FANCM: variants seen among roughly 807,000 people sequenced by gnomAD.
The protein encoded by FANCM is FA complementation group M, also known as Fanconi anemia group M protein.
Under a neutral mutation model 199.5 loss-of-function variants are expected in FANCM, and 140 were observed. That is an observed-to-expected ratio of 0.70 (90% CI 0.61 to 0.81). The LOEUF (loss-of-function observed/expected upper bound fraction) is 0.81. Among genes scored for constraint, FANCM ranks in the 30% least tolerant of loss-of-function variants. The pLI is 0.00. For synonymous variants in FANCM, 840 were observed against 836.8 expected (o/e 1.00, Z -0.07); for missense variants, 2,410 against 2,421.4 (o/e 1.00, Z 0.10).
chr14:45,159,835 A>G (rs879695850), intron 9 of FANCM, among the ~76,000 whole-genome samples: 5 of 152,092 alleles, frequency 3.3e-5, no homozygotes, highest in Non-Finnish European at 7.4e-5. Context: ...TTTTGAGGGA[A>G]ATTTTACATT....
At chr14:45,143,326 C>T in intron 3 of FANCM, among the ~76,000 whole-genome samples, 1 of 152,058 alleles carries the variant, frequency 6.6e-6, no homozygotes, top group Non-Finnish European at 1.5e-5. Flanking sequence ...GCCACCACAC[C>T]CAGCAAATTT....
intron 9 of FANCM, among the ~76,000 whole-genome samples, chr14:45,162,694 G>GT (rs761625262): frequency 7.0e-4 from 106 of 152,226 alleles, no homozygotes; most frequent in Non-Finnish European, 1.2e-3. Flanking sequence ...TTGAATATAT[G>GT]TCTTGAGTTT....
chr14:45,185,269 C>A lies in FANCM; in HGVS notation c.4568C>A (p.Ala1523Glu), dbSNP rs960743288. Residue 1523 changes from alanine to glutamate, a missense_variant, in exon 18 of 23, where the codon GCA becomes GAA. Ala to Glu is a moderately radical substitution (Grantham distance 107, BLOSUM62 -1). Coordinates refer to ENST00000267430, the MANE Select transcript of FANCM (RefSeq NM_020937.4). ...DDEAELSEED[A>E]EYVSSDENDE... is the part of the protein sequence containing the mutation. ...GAAGCAGAACTTTCTGAAGAAGATG[C>A]AGAATATGTTTCATCAGATGAAAAT... is the stretch of plus-strand genomic sequence containing the variant. 3.7e-6 allele frequency: 6 copies of A among 1,602,474 alleles called. 1 individual carries two copies. The African/African-American group carries it at 6.7e-5, about 18-fold the overall frequency.
At chr14:45,198,354 A>G (rs1157501096) in intron 21 of FANCM, 2 of 230,302 alleles carry the variant, frequency 8.7e-6, no homozygotes, top group Non-Finnish European at 1.7e-5. Flanking sequence ...TAGCATGAAA[A>G]ACTAGAGATG....
At position 45,136,613 on chromosome 14, in the gene FANCM, A is replaced by AT. The variant is rs1400643104; in HGVS notation, c.508+74_508+75insT. On this transcript the variant is annotated intron_variant, in intron 1 of 22. Transcript: ENST00000267430. Reference sequence around the variant, plus strand: ...CCATGTGGAATAGTTCCCAAGCTACAACATGTGCATCTTACGCCCTCCCTC... The same window carrying AT: ...CCATGTGGAATAGTTCCCAAGCTACATACATGTGCATCTTACGCCCTCCCTC... The AT allele has an allele frequency of 5.9e-5, 84 of 1,412,150 alleles. 4 individuals carry two copies. The highest frequency in any genetic ancestry group is 5.3e-4 in the African/African-American group (38 of 71,634). 87.5% of individuals were successfully genotyped at this position (1,412,150 alleles called of 1,614,324 possible). A position where few individuals can be genotyped will look rare whatever the true frequency, so the allele number is the denominator to read the frequency against.
chr14:45,183,652 TTAAG>T (rs1241748273), intron 16 of FANCM, 118 bp from the exon 17 acceptor site: 2 of 650,014 alleles, frequency 3.1e-6, no homozygotes, highest in African/African-American at 1.8e-5. Context: ...TTTTACATTC[TTAAG>T]TATTTATAAC....
chr14:45,192,950 C>T (rs1465874482), intron 20 of FANCM, among the ~76,000 whole-genome samples: 2 of 152,192 alleles, frequency 1.3e-5, no homozygotes, highest in African/African-American at 4.8e-5. Flanking sequence ...TATAGCCACT[C>T]ATGGGCTTTT....
At chr14:45,160,669 C>G (rs1008913708) in intron 9 of FANCM, among the ~76,000 whole-genome samples, 5 of 149,404 alleles carry the variant, frequency 3.3e-5, no homozygotes, top group Non-Finnish European at 5.9e-5. Flanking sequence ...CTCAGCCTCC[C>G]GAGTAGCTGG....
chr14:45,181,894 G>T (rs1889096954), intron 16 of FANCM, among the ~76,000 whole-genome samples, 189 bp downstream of exon 16: 1 of 152,046 alleles, frequency 6.6e-6, no homozygotes, highest in Non-Finnish European at 1.5e-5. Context: ...ACTTTCCTAA[G>T]CACAATAAAT....
In FANCM at chr14:45,170,578, T is replaced by A; in HGVS notation, c.2003-11T>A. Reference sequence around the variant, plus strand: ...AAAAAGTCTCTTTTCCATTATTTTTTCAACTTATAGGAATGAGGCAAAGTA... The same window carrying A: ...AAAAAGTCTCTTTTCCATTATTTTTACAACTTATAGGAATGAGGCAAAGTA... On this transcript the variant is annotated splice_polypyrimidine_tract_variant and intron_variant, in intron 11 of 22. Transcript: ENST00000267430. The A allele has an allele frequency of 6.3e-7, 1 of 1,580,070 alleles. No homozygotes were observed. Among genetic ancestry groups the A allele is most frequent in the Non-Finnish European group, 8.7e-7 (1 of 1,151,340 alleles).
At chr14:45,169,121 C>T (rs990999232) in intron 11 of FANCM, among the ~76,000 whole-genome samples, 2 of 151,732 alleles carry the variant, frequency 1.3e-5, no homozygotes, top group African/African-American at 2.4e-5. Flanking sequence ...GGGGTTTCTC[C>T]GTGTTGGCCA....
At chr14:45,177,024 C>T in intron 14 of FANCM, 48 bp downstream of exon 14, 4 of 1,191,890 alleles carry the variant, frequency 3.4e-6, no homozygotes, top group East Asian at 2.3e-5. Flanking sequence ...AGAATAATTA[C>T]TCTAGAAATA....
intron 4 of FANCM, among the ~76,000 whole-genome samples, chr14:45,150,254 A>T (rs999734311): frequency 6.6e-6 from 1 of 152,198 alleles, no homozygotes; most frequent in African/African-American, 2.4e-5. Context: ...TTGAGTTAAG[A>T]TATGGCAAAG....
intron 5 of FANCM, 151 bp from the exon 6 acceptor site, chr14:45,153,768 CA>C (rs1310629883): frequency 1.5e-6 from 1 of 677,252 alleles, no homozygotes; most frequent in Admixed American, 2.1e-5. Context: ...ATTTAATAAC[CA>C]ATCGGTTATA....
intron 4 of FANCM, among the ~76,000 whole-genome samples, chr14:45,150,435 A>G (rs998372170): frequency 2.0e-5 from 3 of 152,058 alleles, no homozygotes; most frequent in Non-Finnish European, 4.4e-5. Flanking sequence ...GGAAGGGAGG[A>G]AAAAAAATGT....
intron 9 of FANCM, among the ~76,000 whole-genome samples, chr14:45,160,970 T>A (rs1347783740): frequency 1.3e-5 from 2 of 152,164 alleles, no homozygotes; most frequent in Non-Finnish European, 2.9e-5. Context: ...AGATTATACA[T>A]ATTTTTAAGG....
At chr14:45,137,357 T>A in intron 2 of FANCM, 116 bp downstream of exon 2, 1 of 803,338 alleles carries the variant, frequency 1.2e-6, no homozygotes, top group Non-Finnish European at 2.1e-6. Context: ...AGCCTTTACG[T>A]CTATTATCTC....
At chr14:45,144,973 C>T (rs889038302) in intron 3 of FANCM, among the ~76,000 whole-genome samples, 1 of 151,996 alleles carries the variant, frequency 6.6e-6, no homozygotes, top group Non-Finnish European at 1.5e-5. Context: ...AAGAGTCTCA[C>T]CCAAGGCCCA....
rs1566716707 is a variant in FANCM at position 45,136,389 on chromosome 14, A to G, written c.358A>G (p.Ile120Val). 1.2e-6 allele frequency: 2 copies of G among 1,613,878 alleles called. No individual in the cohort carries two copies. The highest frequency in any genetic ancestry group is 2.7e-5 in the African/African-American group (2 of 74,846). The change falls in exon 1 of 23, where the codon ATT becomes GTT. Residue 120 changes from isoleucine (I) to valine (V), a missense_variant. Transcript: ENST00000267430. ...CLPTGLGKTF[I>V]AAVVMYNFYR... ...GCCTACCGGACTGGGAAAGACCTTT[A>G]TTGCCGCCGTGGTCATGTACAATTT...
Sources: gnomAD v4.1 joint callset for allele counts (sites outside exome capture counted in the v4.1 genomes callset) on GRCh38, gnomAD v4.1.1 for gene constraint, MANE v1.5 for transcripts, NCBI Gene and HGNC (gene_info 2026-07-23, HGNC 2026-07-21) for gene names.